The following DOCK7 variants were observed in gnomAD, a reference collection of about 807,000 sequenced individuals.
DOCK7 encodes the protein dedicator of cytokinesis 7, also known as dedicator of cytokinesis protein 7.
Under a neutral mutation model 271.0 loss-of-function variants are expected in DOCK7, and 138 were observed. The observed-to-expected ratio is 0.51, with a 90% CI of 0.44 to 0.59. The LOEUF (loss-of-function observed/expected upper bound fraction) is 0.59. Ranked by LOEUF, DOCK7 falls within the 20% of genes least tolerant of loss-of-function variation. The pLI is 0.00. For synonymous variants in DOCK7, 823 were observed against 876.1 expected (o/e 0.94, Z 1.07); for missense variants, 2,066 against 2,592.4 (o/e 0.80, Z 4.41).
chr1:62,577,354 T>C lies in DOCK7; in HGVS notation c.2020A>G (p.Met674Val), dbSNP rs115733789. The change falls in exon 18 of 50, where the codon ATG becomes GTG. Residue 674 changes from methionine (M) to valine (V), a missense_variant. Physicochemically the swap from Met to Val is conservative, Grantham distance 21 (BLOSUM62 1). Coordinates refer to ENST00000635253, the MANE Select transcript of DOCK7 (RefSeq NM_001367561.1). ...ETPVGYTWIP[M>V]LQNGRLKTGQ... is the part of the protein sequence containing the mutation. ...GTCTTCAACCGTCCATTCTGAAGCA[T>C]TGGTATCCACTTTTAAATGAAAAGA... is the stretch of plus-strand genomic sequence containing the variant. 1.1e-4 allele frequency: 180 copies of C among 1,570,624 alleles called. No individual in the cohort carries two copies. The highest frequency in any genetic ancestry group is 3.6e-4 in the South Asian group (29 of 81,172).
At chr1:62,673,157 T>C (rs1308103621) in intron 1 of DOCK7, among the ~76,000 whole-genome samples, 1 of 152,020 alleles carries the variant, frequency 6.6e-6, no homozygotes, top group Non-Finnish European at 1.5e-5. Flanking sequence ...AACTAAAACA[T>C]ATACACGTTG....
At chr1:62,491,415 A>C (rs534528196) in intron 41 of DOCK7, among the ~76,000 whole-genome samples, 1 of 152,372 alleles carries the variant, frequency 6.6e-6, no homozygotes, top group South Asian at 2.1e-4. Flanking sequence ...TCCTATCAAC[A>C]TGGTTTAAGA....
chr1:62,625,548 G>T, intron 11 of DOCK7, 147 bp from the exon 12 acceptor site: 1 of 700,852 alleles, frequency 1.4e-6, no homozygotes, highest in Non-Finnish European at 2.3e-6. Flanking sequence ...CTTTTGGAGA[G>T]ATTAGTAAGA....
chr1:62,618,905 T>TA (rs765618741), intron 13 of DOCK7, 37 bp from the exon 14 acceptor site: 35 of 1,571,606 alleles, frequency 2.2e-5, no homozygotes, highest in Admixed American at 3.6e-5. Context: ...GTAAAGACAA[T>TA]AAAAAAGTCC....
At chr1:62,500,399 G>C (rs1476427029) in intron 37 of DOCK7, among the ~76,000 whole-genome samples, 3 of 152,026 alleles carry the variant, frequency 2.0e-5, no homozygotes, top group Non-Finnish European at 2.9e-5. Flanking sequence ...AATTTTAAAA[G>C]TGTTAAAAAG....
chr1:62,681,734 A>C (rs1557903630), intron 1 of DOCK7, among the ~76,000 whole-genome samples: 1 of 152,110 alleles, frequency 6.6e-6, no homozygotes, highest in East Asian at 1.9e-4. Flanking sequence ...GAATGGATTG[A>C]TTGTGGTATA....
At chr1:62,534,351 C>T (rs569032645) in intron 29 of DOCK7, among the ~76,000 whole-genome samples, 3 of 152,254 alleles carry the variant, frequency 2.0e-5, no homozygotes, top group South Asian at 2.1e-4. Context: ...CAGTGGCTCA[C>T]GCCTGTAATC....
intron 1 of DOCK7, among the ~76,000 whole-genome samples, chr1:62,671,255 A>G (rs538273686): frequency 1.6e-4 from 24 of 152,330 alleles, no homozygotes; most frequent in African/African-American, 5.5e-4. Context: ...TTCCAGACAC[A>G]TTATCTCTAG....
At chr1:62,472,511 C>T (rs1310450149) in intron 48 of DOCK7, among the ~76,000 whole-genome samples, 1 of 152,042 alleles carries the variant, frequency 6.6e-6, no homozygotes, top group Non-Finnish European at 1.5e-5. Flanking sequence ...TAAATGTATA[C>T]AAAAAGAAGG....
chr1:62,600,154 C>A (rs1314173144), intron 14 of DOCK7, among the ~76,000 whole-genome samples: 1 of 151,684 alleles, frequency 6.6e-6, no homozygotes, highest in African/African-American at 2.4e-5. Context: ...ATTAAATGAA[C>A]CTGCTCCCCA....
At chr1:62,561,032 C>T (rs558125643) in intron 19 of DOCK7, among the ~76,000 whole-genome samples, 19 of 152,056 alleles carry the variant, frequency 1.2e-4, no homozygotes, top group Admixed American at 1.2e-3. Flanking sequence ...AGAGTCAAAG[C>T]GCAACAGAGA....
intron 35 of DOCK7, among the ~76,000 whole-genome samples, chr1:62,506,424 A>T (rs998300903): frequency 2.0e-5 from 3 of 151,744 alleles, no homozygotes; most frequent in Non-Finnish European, 4.4e-5. Flanking sequence ...GACTTATTAA[A>T]TTTTTTCTAT....
intron 14 of DOCK7, chr1:62,604,837 G>C: frequency 6.2e-7 from 1 of 1,606,208 alleles, no homozygotes. Context: ...AATTTAAAAG[G>C]CAATAATTTA....
At chr1:62,609,104 T>C (rs1336749120) in intron 14 of DOCK7, 2 of 152,140 alleles carry the variant, frequency 1.3e-5, no homozygotes, top group African/African-American at 2.4e-5. Context: ...GACCCAACAA[T>C]TGGCCCTTTT....
chr1:62,646,382 G>T (rs962464294), intron 7 of DOCK7, among the ~76,000 whole-genome samples: 2 of 152,070 alleles, frequency 1.3e-5, no homozygotes, highest in Non-Finnish European at 2.9e-5. Context: ...TATTGTTATG[G>T]TATGAAATGT....
chr1:62,631,444 G>T, intron 10 of DOCK7, 39 bp from the exon 11 acceptor site: 1 of 1,498,170 alleles, frequency 6.7e-7, no homozygotes, highest in Non-Finnish European at 9.0e-7. Flanking sequence ...GATTATACTT[G>T]AAAGAAATCA....
intron 34 of DOCK7, among the ~76,000 whole-genome samples, chr1:62,509,707 T>C (rs915635337): frequency 6.6e-6 from 1 of 152,202 alleles, no homozygotes; most frequent in African/African-American, 2.4e-5. Flanking sequence ...CTCTCATACA[T>C]ATGGTACTGA....
chr1:62,660,065 A>G (rs958892874), intron 2 of DOCK7, among the ~76,000 whole-genome samples: 2 of 152,186 alleles, frequency 1.3e-5, no homozygotes, highest in East Asian at 3.8e-4. Context: ...ACCATCAACC[A>G]ATAGATCTAA....
At chr1:62,479,659 C>A (rs568513269) in intron 43 of DOCK7, 84 of 306,578 alleles carry the variant, frequency 2.7e-4, no homozygotes, top group African/African-American at 1.7e-3. Flanking sequence ...CATATACATT[C>A]CTACTTTTTG....
Sources: allele counts gnomAD v4.1 joint callset (sites outside exome capture counted in the v4.1 genomes callset), GRCh38; gene constraint gnomAD v4.1.1; transcripts MANE v1.5; gene names NCBI Gene and HGNC (gene_info 2026-07-23, HGNC 2026-07-21).